The following BCL11A variants were observed in gnomAD, a reference collection of about 807,000 sequenced individuals.
BCL11A encodes the protein BCL11 transcription factor A.
In BCL11A, 2 loss-of-function variants were observed where a neutral mutation model predicts 55.9. The observed-to-expected ratio is 0.04, with a 90% confidence interval of 0.01 to 0.11. The LOEUF (loss-of-function observed/expected upper bound fraction) is 0.11, where lower values mean the gene tolerates loss of function less well. BCL11A is among the 10% of genes least tolerant of loss of function. BCL11A has a pLI of 1.00. For synonymous variants in BCL11A, 465 were observed against 473.4 expected (o/e 0.98, Z 0.23); for missense variants, 817 against 1,137.1 (o/e 0.72, Z 4.05).
intron 2 of BCL11A, among the ~76,000 whole-genome samples, chr2:60,504,437 C>T (rs1679460376): frequency 6.6e-6 from 1 of 152,184 alleles, no homozygotes. Context: ...CCAGCCTGCT[C>T]TCCCAAAGAA....
exon 5 of BCL11A, chr2:60,451,514 AT>A: frequency 4.3e-6 from 1 of 231,548 alleles, no homozygotes; most frequent in East Asian, 6.1e-5. Flanking sequence ...GGAATAGAGC[AT>A]TGCTGTGATT....
At chr2:60,496,353 G>T (rs1678949630) in intron 2 of BCL11A, among the ~76,000 whole-genome samples, 1 of 152,212 alleles carries the variant, frequency 6.6e-6, no homozygotes, top group Non-Finnish European at 1.5e-5. Context: ...GCCCTATGAG[G>T]CAAGTGTCCA....
chr2:60,460,363 G>A lies in BCL11A; in HGVS notation c.*41C>T. On this transcript the variant is annotated 3_prime_UTR_variant, in exon 4 of 4. Coordinates refer to ENST00000642384, the MANE Select transcript of BCL11A (RefSeq NM_022893.4). ...ATGGGGAAGGGGAGTGGTGAAAAAGGGGGTGTCAGGTGGGAGTGAGGGAGG... is the reference window on the plus strand; with the variant it reads ...ATGGGGAAGGGGAGTGGTGAAAAAGAGGGTGTCAGGTGGGAGTGAGGGAGG... 6.5e-7 allele frequency: 1 copy of A among 1,549,798 alleles called. No homozygotes were observed. The highest frequency in any genetic ancestry group is 1.2e-5 in the South Asian group (1 of 80,686).
chr2:60,473,140 G>A (rs779029385), intron 2 of BCL11A, among the ~76,000 whole-genome samples: 12 of 152,030 alleles, frequency 7.9e-5, no homozygotes, highest in South Asian at 2.1e-4. Flanking sequence ...GTGTGTTAGC[G>A]TGTTCATGTG....
Position 60,460,290 on chromosome 2 carries a change from T to A in BCL11A, c.*114A>T. The A allele has an allele frequency of 2.7e-6, 4 of 1,474,466 alleles. No individual in the cohort carries two copies. The highest frequency in any genetic ancestry group is 3.6e-6 in the Non-Finnish European group (4 of 1,113,640). 91.3% of individuals were successfully genotyped at this position (1,474,466 alleles called of 1,614,324 possible). A position where few individuals can be genotyped will look rare whatever the true frequency, so the allele number is the denominator to read the frequency against. ...CTGTTTGTTTGTTTGTTTGTTTAAA[T>A]CACATGGGACTAGAAAAAAATCCTA... is the stretch of plus-strand genomic sequence containing the variant. On this transcript the variant is annotated 3_prime_UTR_variant, in exon 4 of 4. Coordinates refer to ENST00000642384, the MANE Select transcript of BCL11A (RefSeq NM_022893.4).
chr2:60,487,943 G>A (rs1346374438), intron 2 of BCL11A, among the ~76,000 whole-genome samples: 2 of 152,150 alleles, frequency 1.3e-5, no homozygotes, highest in Admixed American at 6.5e-5. Context: ...GCCACTAAAG[G>A]TTTACTGACT....
chr2:60,487,625 C>A (rs558026805), intron 2 of BCL11A, among the ~76,000 whole-genome samples: 1 of 152,284 alleles, frequency 6.6e-6, no homozygotes, highest in East Asian at 1.9e-4. Context: ...CTTAGCGGAT[C>A]CCCCTTAAGT....
At chr2:60,452,445 ACT>A, downstream of BCL11A, 1 of 763,424 alleles carries the variant, frequency 1.3e-6, no homozygotes, top group Non-Finnish European at 2.3e-6. Flanking sequence ...ACTCTGCAGG[ACT>A]CTGTCTTCGC....
chr2:60,493,323 T>G (rs1678755679), intron 2 of BCL11A, among the ~76,000 whole-genome samples: 1 of 152,190 alleles, frequency 6.6e-6, no homozygotes, highest in Non-Finnish European at 1.5e-5. Flanking sequence ...ACATTTCTCT[T>G]AGGTAAACAT....
intron 2 of BCL11A, among the ~76,000 whole-genome samples, chr2:60,529,561 G>A (rs544655422): frequency 6.6e-6 from 1 of 152,090 alleles, no homozygotes; most frequent in South Asian, 2.1e-4. Flanking sequence ...AGGTTACAAA[G>A]ACATCTAGGT....
chr2:60,544,526 T>G (rs1236798009), intron 2 of BCL11A: 3 of 152,136 alleles, frequency 2.0e-5, no homozygotes, highest in Non-Finnish European at 2.9e-5. Context: ...AGTATCTGAG[T>G]GCTATCACAG....
At chr2:60,518,079 G>A (rs1668814720) in intron 2 of BCL11A, among the ~76,000 whole-genome samples, 1 of 152,182 alleles carries the variant, frequency 6.6e-6, no homozygotes, top group South Asian at 2.1e-4. Context: ...ATTGCTTGAA[G>A]CTAGGAGTTC....
chr2:60,450,791 A>G (rs964841137), downstream of BCL11A: 1 of 152,274 alleles, frequency 6.6e-6, no homozygotes, highest in Non-Finnish European at 1.5e-5. Flanking sequence ...AGGAGGCTGC[A>G]ACCTCCCTTT....
At chr2:60,550,966 T>C (rs1206052477) in intron 1 of BCL11A, 4 of 140,850 alleles carry the variant, frequency 2.8e-5, no homozygotes, top group African/African-American at 3.5e-5. Context: ...GAGGGAGGGA[T>C]GCGAGGGGGT....
At chr2:60,463,804 A>G (rs996987165) in intron 3 of BCL11A, among the ~76,000 whole-genome samples, 2 of 150,240 alleles carry the variant, frequency 1.3e-5, no homozygotes, top group East Asian at 1.9e-4. Flanking sequence ...AGAGATTCTG[A>G]AAAAAAAAGC....
At chr2:60,506,452 G>A (rs556382124) in intron 2 of BCL11A, among the ~76,000 whole-genome samples, 2 of 152,352 alleles carry the variant, frequency 1.3e-5, no homozygotes, top group African/African-American at 2.4e-5. Context: ...GGGTCAACCC[G>A]AGCGCACCAG....
intron 2 of BCL11A, chr2:60,542,098 G>C (rs538482013): frequency 1.1e-4 from 52 of 494,370 alleles, no homozygotes; most frequent in African/African-American, 9.2e-4. Flanking sequence ...CTAAATACCA[G>C]CTATACTGTC....
intron 2 of BCL11A, among the ~76,000 whole-genome samples, chr2:60,487,112 G>T (rs1363887987): frequency 6.6e-6 from 1 of 152,246 alleles, no homozygotes; most frequent in Admixed American, 6.5e-5. Context: ...GCAGGAAGGG[G>T]AAGGATAGTG....
At chr2:60,483,329 C>G (rs1572989054) in intron 2 of BCL11A, among the ~76,000 whole-genome samples, 1 of 152,320 alleles carries the variant, frequency 6.6e-6, no homozygotes. Flanking sequence ...CCATTCAGGC[C>G]TTTGAAAAGT....
Sources: gnomAD v4.1 joint callset for allele counts (sites outside exome capture counted in the v4.1 genomes callset) on GRCh38, gnomAD v4.1.1 for gene constraint, MANE v1.5 for transcripts, NCBI Gene and HGNC (gene_info 2026-07-23, HGNC 2026-07-21) for gene names.